Variants in LINGO1 observed in about 807,000 individuals in gnomAD.
LINGO1 encodes the protein leucine rich repeat and Ig domain containing 1, also known as leucine-rich repeat and immunoglobulin-like domain-containing nogo receptor-interacting protein 1.
LINGO1 carries 11 observed loss-of-function variants against 37.3 expected under a neutral mutation model. That is an observed-to-expected ratio of 0.29 (90% CI 0.19 to 0.49). LINGO1 has a LOEUF of 0.49. Among genes scored for constraint, LINGO1 ranks in the 20% least tolerant of loss-of-function variants. LINGO1 has a pLI of 0.99. For synonymous variants in LINGO1, 387 were observed against 403.0 expected (o/e 0.96, Z 0.48); for missense variants, 585 against 878.2 (o/e 0.67, Z 4.22).
intron 1 of LINGO1, among the ~76,000 whole-genome samples, chr15:77,748,907 CTCTT>C (rs2076342534): frequency 1.1e-5 from 1 of 94,858 alleles, no homozygotes; most frequent in African/African-American, 3.6e-5. Context: ...TTCCTTCCTT[CTCTT>C]TTTTTTTTTT....
At chr15:77,680,440 T>C (rs1331127179) in intron 2 of LINGO1, among the ~76,000 whole-genome samples, 1 of 152,194 alleles carries the variant, frequency 6.6e-6, no homozygotes, top group Non-Finnish European at 1.5e-5. Flanking sequence ...TTTGGGTGAC[T>C]TTCTGAGTGA....
chr15:77,654,132 C>T (rs1309226329), intron 3 of LINGO1, among the ~76,000 whole-genome samples: 1 of 152,196 alleles, frequency 6.6e-6, no homozygotes, highest in East Asian at 1.9e-4. Flanking sequence ...TTCCTGCTAC[C>T]ATGGTAACTG....
intron 1 of LINGO1, among the ~76,000 whole-genome samples, chr15:77,751,245 T>C (rs1021035194): frequency 2.6e-5 from 4 of 152,266 alleles, no homozygotes; most frequent in Admixed American, 2.0e-4. Flanking sequence ...TGGGAGTCAA[T>C]CCAACCCTGT....
At chr15:77,708,751 A>G (rs1000778596) in intron 2 of LINGO1, among the ~76,000 whole-genome samples, 2 of 152,180 alleles carry the variant, frequency 1.3e-5, no homozygotes, top group Admixed American at 6.5e-5. Flanking sequence ...TCTCCAATAC[A>G]AAAATTAGCC....
chr15:77,728,338 C>T (rs528916491), intron 2 of LINGO1, among the ~76,000 whole-genome samples: 1 of 152,256 alleles, frequency 6.6e-6, no homozygotes, highest in Non-Finnish European at 1.5e-5. Flanking sequence ...CCAGCGTCTG[C>T]TGAGTCCCAA....
At position 77,614,229 on chromosome 15, in the gene LINGO1, C is replaced by T. The variant is rs1244229848; in HGVS notation, c.1678G>A (p.Ala560Thr). The change falls in exon 2 of 2, where the codon GCC (alanine) becomes ACC (threonine). Residue 560 changes from alanine (A) to threonine (T), a missense_variant. Ala to Thr is a moderately conservative substitution (Grantham distance 58). This residue lies in a region of LINGO1 where 484 missense variants were observed against 735.0 expected (regional missense o/e 0.66). Coordinates refer to ENST00000355300, the MANE Select transcript of LINGO1 (RefSeq NM_032808.7). ...FPFDIKTLII[A>T]TTMGFISFLG... ...AAAGAGATGAAGCCCATGGTGGTGGCGATGATGAGGGTCTTGATGTCGAAG... is the reference window on the plus strand; with the variant it reads ...AAAGAGATGAAGCCCATGGTGGTGGTGATGATGAGGGTCTTGATGTCGAAG... The T allele has an allele frequency of 2.0e-5, 33 of 1,613,862 alleles. No individual in the cohort carries two copies. The highest frequency in any genetic ancestry group is 2.6e-5 in the Non-Finnish European group (31 of 1,179,898).
intron 2 of LINGO1, among the ~76,000 whole-genome samples, chr15:77,679,733 C>T (rs915224907): frequency 6.6e-6 from 1 of 152,324 alleles, no homozygotes; most frequent in African/African-American, 2.4e-5. Context: ...CATGGAGGAT[C>T]CATTGTCCTT....
intron 2 of LINGO1, among the ~76,000 whole-genome samples, chr15:77,712,310 C>T (rs1283259173): frequency 3.3e-5 from 5 of 152,140 alleles, no homozygotes; most frequent in Non-Finnish European, 7.4e-5. Flanking sequence ...CCGAGACCTT[C>T]GCACCTCACC....
At chr15:77,759,428 G>A (rs932050040) in intron 1 of LINGO1, among the ~76,000 whole-genome samples, 3 of 152,214 alleles carry the variant, frequency 2.0e-5, no homozygotes, top group Non-Finnish European at 4.4e-5. Context: ...GTCCAAGTGG[G>A]CCTGAGGCAG....
At chr15:77,726,552 A>C (rs548912855) in intron 2 of LINGO1, among the ~76,000 whole-genome samples, 3 of 152,278 alleles carry the variant, frequency 2.0e-5, no homozygotes, top group Admixed American at 6.5e-5. Flanking sequence ...AGCAAAACAA[A>C]TGAAGCTGGA....
chr15:77,709,841 G>T (rs934330531), intron 2 of LINGO1, among the ~76,000 whole-genome samples: 1 of 152,234 alleles, frequency 6.6e-6, no homozygotes, highest in Non-Finnish European at 1.5e-5. Flanking sequence ...TGAAGGGCAG[G>T]GGTAAACACA....
At chr15:77,749,029 T>C (rs572842413) in intron 1 of LINGO1, among the ~76,000 whole-genome samples, 103 of 148,406 alleles carry the variant, frequency 6.9e-4, no homozygotes, top group Non-Finnish European at 1.2e-3. Context: ...TACCTCAGCC[T>C]CCTGAGTAGC....
At position 77,639,524 on chromosome 15, in the gene LINGO1, G is replaced by C. The variant is rs115157725; in HGVS notation, c.-12-23624C>G. ...CATGAGCACACGAGGGCAAGCAGAG[G>C]AGCGCGCATGGCAGGATTGTTATAG... is the stretch of plus-strand genomic sequence containing the variant. On this transcript the variant is annotated intron_variant, in intron 3 of 3. Transcript: ENST00000559893. Among the ~76,000 whole-genome samples the C allele has an allele frequency of 3.3e-3, 505 of 151,974 alleles. 2 individuals carry two copies. Among genetic ancestry groups the C allele is most frequent in the African/African-American group, 0.012 (489 of 41,450 alleles).
At chr15:77,671,340 G>C (rs1020911736) in intron 3 of LINGO1, among the ~76,000 whole-genome samples, 11 of 152,198 alleles carry the variant, frequency 7.2e-5, no homozygotes, top group Non-Finnish European at 1.3e-4. Context: ...ATAGGGAGGA[G>C]AGGGGGTGAG....
chr15:77,718,109 C>T (rs1323810035), intron 2 of LINGO1, among the ~76,000 whole-genome samples: 1 of 150,800 alleles, frequency 6.6e-6, no homozygotes, highest in Non-Finnish European at 1.5e-5. Context: ...GGCTCCCAGC[C>T]CAGGCCTGAG....
chr15:77,685,255 G>C (rs1450606467), intron 2 of LINGO1, among the ~76,000 whole-genome samples: 1 of 152,144 alleles, frequency 6.6e-6, no homozygotes, highest in African/African-American at 2.4e-5. Flanking sequence ...GAGGCAGCTT[G>C]ACCGAGGATC....
At chr15:77,645,055 G>A (rs1405105737) in intron 3 of LINGO1, among the ~76,000 whole-genome samples, 1 of 152,212 alleles carries the variant, frequency 6.6e-6, no homozygotes, top group Admixed American at 6.5e-5. Context: ...ATACCTGCAT[G>A]GTGGTGGTGG....
At chr15:77,726,928 G>A (rs569581810) in intron 2 of LINGO1, among the ~76,000 whole-genome samples, 2 of 152,152 alleles carry the variant, frequency 1.3e-5, no homozygotes, top group Non-Finnish European at 2.9e-5. Context: ...ATTGGCAAAG[G>A]ACTTGAATAG....
intron 2 of LINGO1, among the ~76,000 whole-genome samples, chr15:77,795,784 G>A (rs891385303): frequency 6.6e-6 from 1 of 152,230 alleles, no homozygotes; most frequent in Non-Finnish European, 1.5e-5. Flanking sequence ...CTTCAGCCAG[G>A]TCTGGCAGCA....
Sources: gnomAD v4.1 joint callset for allele counts (sites outside exome capture counted in the v4.1 genomes callset) on GRCh38, gnomAD v4.1.1 for gene constraint, gnomAD v4.1.1 regional missense constraint, MANE v1.5 for transcripts, NCBI Gene and HGNC (gene_info 2026-07-23, HGNC 2026-07-21) for gene names.